Variants in CELF1 observed in about 807,000 individuals in gnomAD.
The protein encoded by CELF1 is CUGBP Elav-like family member 1.
In CELF1, 10 loss-of-function variants were observed where a neutral mutation model predicts 61.8. The observed-to-expected ratio is 0.16, with a 90% CI of 0.10 to 0.27. The LOEUF is 0.27. Among genes scored for constraint, CELF1 ranks in the 10% least tolerant of loss-of-function variants. The pLI is 1.00. For missense variants in CELF1, 380 were observed against 639.1 expected, an observed-to-expected ratio of 0.59 and a Z score of 4.37; for synonymous variants, 236 against 225.1, an observed-to-expected ratio of 1.05 and a Z score of -0.43.
At chr11:47,488,309 T>C (rs895699002) in intron 4 of CELF1, among the ~76,000 whole-genome samples, 1 of 152,224 alleles carries the variant, frequency 6.6e-6, no homozygotes, top group African/African-American at 2.4e-5. Context: ...CCTGTTCACT[T>C]TGTGGCAACA....
At chr11:47,556,565 GATAA>G (rs1340196882), upstream of CELF1, among the ~76,000 whole-genome samples, 1 of 152,086 alleles carries the variant, frequency 6.6e-6, no homozygotes, top group Non-Finnish European at 1.5e-5. Context: ...TATAATAATA[GATAA>G]ATATAGAGGA....
At position 47,562,864 on chromosome 11, in the gene CELF1, C is replaced by T. The variant is rs142627677; in HGVS notation, c.-11+1487G>A. Among the ~76,000 whole-genome samples, 917 of 152,124 alleles carry T rather than the reference C, an allele frequency of 6.0e-3. 9 individuals are homozygous for T. The highest frequency in any genetic ancestry group is 0.021 in the African/African-American group (880 of 41,508). ...GGATTACAGGCGCCCACTATTATAC[C>T]TGGCTAATTTTTGTATTTTTTTAGT... On this transcript the variant is annotated intron_variant, in intron 2 of 3. Coordinates refer to the CELF1 transcript ENST00000525841.
intron 12 of CELF1, 132 bp from the exon 13 acceptor site, chr11:47,475,653 G>A: frequency 2.4e-6 from 2 of 819,080 alleles, no homozygotes; most frequent in Non-Finnish European, 1.9e-6. Flanking sequence ...GTTTCTCCCT[G>A]AGAAGAAACT....
At chr11:47,529,358 G>A (rs751358119) in intron 1 of CELF1, among the ~76,000 whole-genome samples, 12 of 152,110 alleles carry the variant, frequency 7.9e-5, no homozygotes, top group South Asian at 2.1e-4. Context: ...AGACCAGCCC[G>A]GGTAACGTGG....
intron 7 of CELF1, 141 bp from the exon 8 acceptor site, chr11:47,483,673 CAACAGGGTG>C: frequency 1.6e-6 from 1 of 624,492 alleles, no homozygotes; most frequent in Non-Finnish European, 2.9e-6. Flanking sequence ...TGGTATGTTG[CAACAGGGTG>C]ATATGTGCTA....
At chr11:47,535,639 A>G (rs1164139860) in intron 1 of CELF1, among the ~76,000 whole-genome samples, 2 of 149,282 alleles carry the variant, frequency 1.3e-5, no homozygotes, top group African/African-American at 2.5e-5. Context: ...AGGTTGCACC[A>G]CTGCACTCCA....
intron 1 of CELF1, among the ~76,000 whole-genome samples, chr11:47,541,326 C>A (rs1379702675): frequency 1.3e-5 from 2 of 152,060 alleles, no homozygotes; most frequent in Admixed American, 1.3e-4. Flanking sequence ...GGTAAAAGAA[C>A]AAGGAGAAAG....
intron 7 of CELF1, among the ~76,000 whole-genome samples, chr11:47,484,143 G>A (rs540229032): frequency 6.6e-6 from 1 of 152,178 alleles, no homozygotes; most frequent in South Asian, 2.1e-4. Flanking sequence ...GACCAGCCTG[G>A]GCAACACAGG....
chr11:47,559,645 A>G (rs576632936), intron 2 of CELF1, among the ~76,000 whole-genome samples: 1 of 152,224 alleles, frequency 6.6e-6, no homozygotes, highest in Non-Finnish European at 1.5e-5. Flanking sequence ...AACTTTTTGA[A>G]AAGAATAAAG....
chr11:47,553,613 A>C (rs1388538583), upstream of CELF1, among the ~76,000 whole-genome samples: 5 of 152,168 alleles, frequency 3.3e-5, no homozygotes, highest in African/African-American at 1.2e-4. Context: ...CCCAGCAGAC[A>C]AGCAACAGCA....
chr11:47,484,004 GGGAA>G (rs1203807658), intron 7 of CELF1, among the ~76,000 whole-genome samples: 4 of 152,120 alleles, frequency 2.6e-5, no homozygotes, highest in Non-Finnish European at 5.9e-5. Context: ...ATATTGGCTA[GGGAA>G]TCACTGTTGC....
chr11:47,472,475 A>G, intron 14 of CELF1, 118 bp from the exon 15 acceptor site: 1 of 1,115,786 alleles, frequency 9.0e-7, no homozygotes, highest in Non-Finnish European at 1.3e-6. Flanking sequence ...TTCAGCAGGG[A>G]CAAGAAATCT....
chr11:47,494,322 T>C (rs760281944), intron 3 of CELF1: 18 of 902,448 alleles, frequency 2.0e-5, no homozygotes, highest in Admixed American at 6.2e-5. Context: ...GAAGCAGTAA[T>C]AGTAATACCT....
chr11:47,558,596 A>G (rs1200395934), intron 2 of CELF1, among the ~76,000 whole-genome samples: 3 of 107,264 alleles, frequency 2.8e-5, no homozygotes, highest in Non-Finnish European at 1.8e-5. Context: ...TATTTATATT[A>G]TATATGTATA....
At chr11:47,528,620 AAAAAAT>A (rs1263654087) in intron 1 of CELF1, among the ~76,000 whole-genome samples, 2 of 151,962 alleles carry the variant, frequency 1.3e-5, no homozygotes, top group African/African-American at 2.4e-5. Context: ...CTGTCTCTTA[AAAAAAT>A]AAAAATAAAA....
At chr11:47,524,719 T>C (rs560131060) in intron 1 of CELF1, 2 of 152,188 alleles carry the variant, frequency 1.3e-5, no homozygotes, top group East Asian at 1.9e-4. Context: ...AGCTAAAAAG[T>C]GGAACAGCAG....
At chr11:47,543,576 A>C (rs977958864) in intron 1 of CELF1, among the ~76,000 whole-genome samples, 1 of 152,222 alleles carries the variant, frequency 6.6e-6, no homozygotes, top group African/African-American at 2.4e-5. Flanking sequence ...ATTCTATGAC[A>C]AGACCAAAGT....
chr11:47,543,925 A>G (rs546249076), intron 1 of CELF1, among the ~76,000 whole-genome samples: 1 of 152,332 alleles, frequency 6.6e-6, no homozygotes, highest in East Asian at 1.9e-4. Context: ...GAAGAGACCC[A>G]AGTGTCCCCT....
intron 6 of CELF1, among the ~76,000 whole-genome samples, chr11:47,485,200 G>A (rs1253985140): frequency 1.3e-5 from 2 of 152,062 alleles, no homozygotes; most frequent in Non-Finnish European, 2.9e-5. Context: ...TCCTCTTTTT[G>A]AGACAAGAGT....
Sources: gnomAD v4.1 joint callset for allele counts (sites outside exome capture counted in the v4.1 genomes callset) on GRCh38, gnomAD v4.1.1 for gene constraint, MANE v1.5 for transcripts, NCBI Gene and HGNC (gene_info 2026-07-23, HGNC 2026-07-21) for gene names.